Variants in TRAK2 observed in about 807,000 individuals in gnomAD.
The protein encoded by TRAK2 is trafficking kinesin-binding protein 2.
A neutral mutation model predicts 104.6 loss-of-function variants in TRAK2; 81 were observed. That is an observed-to-expected ratio of 0.77 (90% CI 0.65 to 0.93). The LOEUF (loss-of-function observed/expected upper bound fraction) is 0.93, where lower values mean the gene tolerates loss of function less well. Among genes scored for constraint, TRAK2 ranks in the 40% least tolerant of loss-of-function variants. The pLI, the probability that TRAK2 is intolerant of heterozygous loss-of-function variation, is 0.00. For synonymous variants in TRAK2, 406 were observed against 394.4 expected (o/e 1.03, Z -0.35); for missense variants, 1,002 against 1,089.0 (o/e 0.92, Z 1.12).
intron 15 of TRAK2, 80 bp from the exon 16 acceptor site, chr2:201,381,298 A>G: frequency 7.7e-7 from 1 of 1,297,314 alleles, no homozygotes; most frequent in Non-Finnish European, 1.0e-6. Flanking sequence ...AAGAAATTAT[A>G]GTAGTTATCC....
chr2:201,413,053 T>A, intron 2 of TRAK2: 1 of 815,948 alleles, frequency 1.2e-6, no homozygotes, highest in South Asian at 1.4e-5. Flanking sequence ...GGACTCCTCA[T>A]TTTAGAGAAT....
At chr2:201,398,042 C>A (rs780650122) in intron 6 of TRAK2, 103 bp downstream of exon 6, 12 of 1,100,586 alleles carry the variant, frequency 1.1e-5, no homozygotes, top group Non-Finnish European at 1.1e-5. Flanking sequence ...ATTGGAATGC[C>A]AATAGCAAAT....
intron 2 of TRAK2, 117 bp downstream of exon 2, chr2:201,420,300 A>G (rs563650303): frequency 2.6e-6 from 2 of 780,044 alleles, no homozygotes; most frequent in South Asian, 3.3e-5. Context: ...CCCTGAGGAC[A>G]TCAGACTAGA....
At position 201,447,199 on chromosome 2, in the gene TRAK2, G is replaced by A. The variant is rs1367151629; in HGVS notation, c.-200+4151C>T. 6.6e-6 allele frequency among the ~76,000 whole-genome samples: 1 copy of A among 152,198 alleles called. No individual in the cohort carries two copies. The highest frequency in any genetic ancestry group is 2.4e-5 in the African/African-American group (1 of 41,444). On this transcript the variant is annotated intron_variant, in intron 1 of 15. Coordinates refer to ENST00000332624, the MANE Select transcript of TRAK2 (RefSeq NM_015049.3). This position sits in a 1 kb window ranked among gnomAD's most constrained non-coding sequence, Gnocchi z 4.1. The stretch of plus-strand genomic sequence containing the variant: ...TCCATCCCATCTTCCTTAGGATAAA[G>A]TTTAAGCCCCTTGGCATCTCATGTA...
In TRAK2 at chr2:201,386,501, A is replaced by G. The variant is rs751164903; in HGVS notation, c.1697-17T>C. 2 of 1,610,712 alleles carry G rather than the reference A, an allele frequency of 1.2e-6. No individual in the cohort carries two copies. The highest frequency in any genetic ancestry group is 1.7e-6 in the Non-Finnish European group (2 of 1,177,284). On this transcript the variant is annotated splice_polypyrimidine_tract_variant and intron_variant, in intron 13 of 15. Coordinates refer to ENST00000332624, the MANE Select transcript of TRAK2 (RefSeq NM_015049.3). ...TTTGTGATCCTGAATATGCAAAACA[A>G]AGGAAGGGGAAAGGCATGTTTTACA...
chr2:201,422,243 GA>G (rs1029265376), intron 1 of TRAK2, among the ~76,000 whole-genome samples: 145 of 149,384 alleles, frequency 9.7e-4, no homozygotes, highest in Middle Eastern at 3.4e-3. Context: ...GGTTTGGGGG[GA>G]AAAAAAAAGC....
At chr2:201,436,193 A>C (rs1951879024) in intron 1 of TRAK2, among the ~76,000 whole-genome samples, 1 of 152,210 alleles carries the variant, frequency 6.6e-6, no homozygotes, top group African/African-American at 2.4e-5. Flanking sequence ...AGGAATGCAG[A>C]GTAAATGGCA....
intron 1 of TRAK2, among the ~76,000 whole-genome samples, chr2:201,435,298 T>C (rs1281079761): frequency 1.3e-5 from 2 of 152,218 alleles, no homozygotes; most frequent in East Asian, 3.8e-4. Flanking sequence ...ACTCAAGTGA[T>C]CTGCCTGCCT....
At chr2:201,436,775 A>G (rs970506924) in intron 1 of TRAK2, among the ~76,000 whole-genome samples, 1 of 152,190 alleles carries the variant, frequency 6.6e-6, no homozygotes, top group African/African-American at 2.4e-5. Flanking sequence ...GATCAGTGTC[A>G]AAAGAAAAAC....
rs375425610 is a variant in TRAK2, at chr2:201,387,919, G to C, written c.1480C>G (p.Gln494Glu). Reference sequence around the variant, plus strand: ...AACTGCTTCTCACTTAAATAGTTTTGTCGACGCAAGCTAAGGCGATGCAGT... The same window carrying C: ...AACTGCTTCTCACTTAAATAGTTTTCTCGACGCAAGCTAAGGCGATGCAGT... ...TALHRLSLRR[Q>E]NYLSEKQFFA... is the part of the protein sequence containing the mutation. The change falls in exon 13 of 16, where the codon CAA becomes GAA. Residue 494 changes from glutamine to glutamate, a missense_variant. Coordinates refer to ENST00000332624, the MANE Select transcript of TRAK2 (RefSeq NM_015049.3). 4.3e-6 allele frequency: 7 copies of C among 1,614,010 alleles called. No homozygotes were observed. Among genetic ancestry groups the C allele is most frequent in the Non-Finnish European group, 5.9e-6 (7 of 1,180,026 alleles).
In TRAK2 at chr2:201,378,205, A is replaced by C. The variant is rs1951305978; in HGVS notation, c.*2338T>G. ...GGAACATCAACATCAATGTACTTAA[A>C]AAAAATCTAAGCCTGGTTCTTTTTG... is the stretch of plus-strand genomic sequence containing the variant. On this transcript the variant is annotated 3_prime_UTR_variant, in exon 16 of 16. Coordinates refer to ENST00000332624, the MANE Select transcript of TRAK2 (RefSeq NM_015049.3). 6.6e-6 allele frequency: 1 copy of C among 152,190 alleles called. No homozygotes were observed. The highest frequency in any genetic ancestry group is 2.4e-5 in the African/African-American group (1 of 41,460). 9.4% of individuals were successfully genotyped at this position (152,190 alleles called of 1,614,324 possible). A position where few individuals can be genotyped will look rare whatever the true frequency, so the allele number is the denominator to read the frequency against.
chr2:201,406,437 T>C (rs1193587379), intron 3 of TRAK2, among the ~76,000 whole-genome samples: 1 of 152,084 alleles, frequency 6.6e-6, no homozygotes, highest in Non-Finnish European at 1.5e-5. Context: ...ATGTTTATAA[T>C]TTTTTTTGAG....
At chr2:201,450,753 A>G (rs1280471870) in intron 1 of TRAK2, among the ~76,000 whole-genome samples, 3 of 152,074 alleles carry the variant, frequency 2.0e-5, no homozygotes, top group Non-Finnish European at 4.4e-5. Flanking sequence ...AGCAAGAGCA[A>G]GTAACATCCC....
rs1262517789 is a variant in TRAK2, at chr2:201,379,944, G to C, written c.*599C>G. ...AGGCCTGAAAACAGAAAGGAAAATA[G>C]GAGTCTCCACCTGTGATTCAATGAA... On this transcript the variant is annotated 3_prime_UTR_variant, in exon 16 of 16. Coordinates refer to ENST00000332624, the MANE Select transcript of TRAK2 (RefSeq NM_015049.3). The C allele has an allele frequency of 1.3e-5, 2 of 152,086 alleles. No individual in the cohort carries two copies. Among genetic ancestry groups the C allele is most frequent in the African/African-American group, 4.8e-5 (2 of 41,364 alleles). The allele number at this position is 152,086 out of a possible 1,614,324, so 9.4% of individuals were successfully genotyped here.
At chr2:201,401,679 A>T (rs368122607) in intron 3 of TRAK2, among the ~76,000 whole-genome samples, 13 of 152,062 alleles carry the variant, frequency 8.5e-5, no homozygotes, top group African/African-American at 2.7e-4. Flanking sequence ...TCTCCCATCT[A>T]GGTCTCAGCT....
rs572667381 is a variant in TRAK2 at position 201,380,490 on chromosome 2, A to G, written c.*53T>C. ...CAGACCAGACCACATGTTTCAGTGC[A>G]TATCTATCCTTCATGTGCTAACTTG... On this transcript the variant is annotated 3_prime_UTR_variant, in exon 16 of 16. Coordinates refer to ENST00000332624, the MANE Select transcript of TRAK2 (RefSeq NM_015049.3). The G allele has an allele frequency of 7.8e-5, 120 of 1,540,034 alleles. 1 individual carries two copies. The African/African-American group carries it at 1.2e-3, about 16-fold the overall frequency.
rs1473879013 is a variant in TRAK2, at chr2:201,377,485, C to T, written c.*3058G>A. 6.6e-6 allele frequency: 1 copy of T among 152,214 alleles called. No homozygotes were observed. The highest frequency in any genetic ancestry group is 6.6e-5 in the Admixed American group (1 of 15,266). The allele number at this position is 152,214 out of a possible 1,614,324, so 9.4% of individuals were successfully genotyped here. ...CCACTAAACACTAAGAGCCCTAGTT[C>T]TAGATGTCACAAGTTGATGTTAGTA... On this transcript the variant is annotated 3_prime_UTR_variant, in exon 16 of 16. Coordinates refer to ENST00000332624, the MANE Select transcript of TRAK2 (RefSeq NM_015049.3).
At chr2:201,443,841 A>C (rs1277666572) in intron 1 of TRAK2, among the ~76,000 whole-genome samples, 1 of 152,166 alleles carries the variant, frequency 6.6e-6, no homozygotes, top group African/African-American at 2.4e-5. Flanking sequence ...TCATGGCCTT[A>C]AACAGGGTTC....
chr2:201,383,983 T>C, intron 15 of TRAK2, 128 bp downstream of exon 15: 2 of 673,714 alleles, frequency 3.0e-6, no homozygotes, highest in Non-Finnish European at 5.1e-6. Context: ...GAAAATATTC[T>C]AAAGACACAT....
Sources: gnomAD v4.1 joint callset for allele counts (sites outside exome capture counted in the v4.1 genomes callset) on GRCh38, gnomAD v4.1.1 for gene constraint, Gnocchi (gnomAD v3.1) non-coding constraint, MANE v1.5 for transcripts, NCBI Gene and HGNC (gene_info 2026-07-23, HGNC 2026-07-21) for gene names.